Variants in BMPER observed in about 807,000 individuals in gnomAD.
BMPER encodes BMP-binding endothelial regulator protein.
In BMPER, 45 loss-of-function variants were observed where a neutral mutation model predicts 87.3. That is an observed-to-expected ratio of 0.52 (90% CI 0.41 to 0.66). The LOEUF is 0.66. Among genes scored for constraint, BMPER ranks in the 30% least tolerant of loss-of-function variants. BMPER has a pLI of 0.00. For synonymous variants in BMPER, 326 were observed against 316.2 expected, an observed-to-expected ratio of 1.03 and a Z score of -0.33; for missense variants, 784 against 867.5, an observed-to-expected ratio of 0.90 and a Z score of 1.21.
chr7:33,969,823 G>T (rs764589400), intron 4 of BMPER, among the ~76,000 whole-genome samples: 1 of 152,170 alleles, frequency 6.6e-6, no homozygotes, highest in South Asian at 2.1e-4. Context: ...TCTGTGTGAG[G>T]CAGAGTGACA....
intron 6 of BMPER, among the ~76,000 whole-genome samples, chr7:34,025,671 G>A (rs1317497294): frequency 2.0e-5 from 3 of 152,040 alleles, no homozygotes; most frequent in Non-Finnish European, 4.4e-5. Flanking sequence ...CTGAAAGCAT[G>A]AGCCAGTGTG....
intron 6 of BMPER, among the ~76,000 whole-genome samples, chr7:33,981,624 C>A (rs1785862433): frequency 6.6e-6 from 1 of 152,168 alleles, no homozygotes; most frequent in Non-Finnish European, 1.5e-5. Flanking sequence ...AATGGGTATA[C>A]ATAATAATCT....
chr7:33,998,523 T>C (rs1298847923), intron 6 of BMPER, among the ~76,000 whole-genome samples: 1 of 152,246 alleles, frequency 6.6e-6, no homozygotes, highest in Non-Finnish European at 1.5e-5. Flanking sequence ...TTCTCAAAAC[T>C]TAGGCACTCT....
chr7:33,933,036 G>T (rs191324133), intron 2 of BMPER, among the ~76,000 whole-genome samples: 54 of 152,308 alleles, frequency 3.5e-4, no homozygotes, highest in African/African-American at 1.3e-3. Context: ...TGAGACCGGG[G>T]ACTCTGTGCT....
At chr7:34,033,611 C>G (rs1200159653) in intron 6 of BMPER, among the ~76,000 whole-genome samples, 1 of 152,160 alleles carries the variant, frequency 6.6e-6, no homozygotes, top group Non-Finnish European at 1.5e-5. Flanking sequence ...CTTCTATGTC[C>G]CTTAATTCTG....
At chr7:34,101,632 A>T (rs1789684912) in intron 13 of BMPER, among the ~76,000 whole-genome samples, 1 of 152,142 alleles carries the variant, frequency 6.6e-6, no homozygotes, top group South Asian at 2.1e-4. Flanking sequence ...GTGGCTCAAG[A>T]ATTTGGCCTT....
chr7:34,032,661 T>G (rs930902224), intron 6 of BMPER, among the ~76,000 whole-genome samples: 3 of 152,202 alleles, frequency 2.0e-5, no homozygotes, highest in African/African-American at 7.2e-5. Context: ...TTTAATATTT[T>G]TACCATGAAC....
chr7:33,984,184 C>G (rs1785936333), intron 6 of BMPER, among the ~76,000 whole-genome samples: 1 of 152,112 alleles, frequency 6.6e-6, no homozygotes, highest in South Asian at 2.1e-4. Context: ...AAATGTTTAT[C>G]CAGCCAGGTG....
chr7:34,047,578 A>T (rs891731477), intron 7 of BMPER, among the ~76,000 whole-genome samples: 2 of 152,010 alleles, frequency 1.3e-5, no homozygotes, highest in Non-Finnish European at 2.9e-5. Context: ...TGCCCAGCCT[A>T]TGATACCTTC....
chr7:34,055,191 G>A lies in BMPER; in HGVS notation c.815G>A (p.Cys272Tyr). ...TCTACTGTGGTTTGCAAGAGGAAGT[G>A]CTCCCACCCTGGTGGCTGTGACCAA... Reference protein sequence around the residue: ...RDSTVVCKRKCSHPGGCDQGQ... With the variant: ...RDSTVVCKRKYSHPGGCDQGQ... Residue 272 changes from cysteine (C) to tyrosine (Y), a missense_variant, in exon 9 of 15, where the codon TGC (cysteine) becomes TAC (tyrosine). Cys to Tyr is a radical substitution (Grantham distance 194). Transcript: ENST00000649409. The A allele has an allele frequency of 3.7e-6, 6 of 1,614,130 alleles. No individual in the cohort carries two copies. The highest frequency in any genetic ancestry group is 5.1e-6 in the Non-Finnish European group (6 of 1,180,016).
intron 11 of BMPER, among the ~76,000 whole-genome samples, chr7:34,078,539 G>T (rs1453620680): frequency 1.3e-5 from 2 of 152,110 alleles, no homozygotes; most frequent in African/African-American, 4.8e-5. Flanking sequence ...GGTGAAGTAA[G>T]GCCAGTTCTT....
At chr7:34,096,582 C>T (rs1789537790) in intron 13 of BMPER, among the ~76,000 whole-genome samples, 1 of 152,188 alleles carries the variant, frequency 6.6e-6, no homozygotes, top group Non-Finnish European at 1.5e-5. Flanking sequence ...GACTCAGTCT[C>T]ATTTTTCTTC....
chr7:34,062,178 C>T (rs1032787995), intron 11 of BMPER, 131 bp downstream of exon 11: 4 of 783,204 alleles, frequency 5.1e-6, no homozygotes, highest in African/African-American at 1.7e-5. Context: ...ATCATCTCAC[C>T]TCCCTACAGT....
At chr7:34,152,616 G>A (rs1295354775) in intron 14 of BMPER, among the ~76,000 whole-genome samples, 1 of 151,986 alleles carries the variant, frequency 6.6e-6, no homozygotes, top group African/African-American at 2.4e-5. Flanking sequence ...TTTAACACAC[G>A]ATTACATTGA....
intron 4 of BMPER, among the ~76,000 whole-genome samples, chr7:33,969,745 A>G (rs1375088339): frequency 6.6e-6 from 1 of 152,184 alleles, no homozygotes; most frequent in Admixed American, 6.5e-5. Context: ...TGACATATAT[A>G]ATATGAACTT....
Position 34,050,593 on chromosome 7 carries a change from C to T in BMPER, c.677-1268C>T, listed in dbSNP as rs182910545. Among the ~76,000 whole-genome samples the T allele has an allele frequency of 8.4e-4, 128 of 152,150 alleles. 1 individual carries two copies. Among genetic ancestry groups the T allele is most frequent in the African/African-American group, 2.9e-3 (122 of 41,526 alleles). ...AGGTATTTTGAGCATTTCATTGGGC[C>T]TACTGATAAACAGAAATTGCTATTA... On this transcript the variant is annotated intron_variant, in intron 7 of 14. Transcript: ENST00000649409.
chr7:33,933,472 G>A (rs2128608015), intron 2 of BMPER, among the ~76,000 whole-genome samples: 1 of 133,188 alleles, frequency 7.5e-6, no homozygotes. Context: ...AGAGTATTCT[G>A]ACCTTTTCCT....
intron 2 of BMPER, among the ~76,000 whole-genome samples, chr7:33,915,515 C>T (rs188832465): frequency 4.9e-4 from 75 of 152,228 alleles, no homozygotes; most frequent in Admixed American, 4.6e-3. Context: ...TATGCCTGAA[C>T]GTATGTGTGT....
chr7:34,079,667 A>G (rs1431337480), intron 12 of BMPER, among the ~76,000 whole-genome samples: 2 of 152,172 alleles, frequency 1.3e-5, no homozygotes, highest in African/African-American at 4.8e-5. Context: ...TCAAAAGTAA[A>G]CAGCTTAGTA....
Sources: gnomAD v4.1 joint callset for allele counts (sites outside exome capture counted in the v4.1 genomes callset) on GRCh38, gnomAD v4.1.1 for gene constraint, MANE v1.5 for transcripts, NCBI Gene and HGNC (gene_info 2026-07-23, HGNC 2026-07-21) for gene names.